HAVCR1: variants seen among roughly 807,000 people sequenced by gnomAD.
HAVCR1 encodes the protein T cell immunoglobin domain and mucin domain protein 1.
In HAVCR1, 34 loss-of-function variants were observed where a neutral mutation model predicts 32.0. The ratio of observed to expected loss-of-function variants is 1.06; its 90% CI spans 0.81 to 1.42. HAVCR1 has a LOEUF of 1.42. Ranked by LOEUF, HAVCR1 falls within the 40% of genes most tolerant of loss-of-function variation. HAVCR1 has a pLI of 0.00. For missense variants in HAVCR1, 420 were observed against 442.3 expected, an observed-to-expected ratio of 0.95 and a Z score of 0.45; for synonymous variants, 178 against 170.3, an observed-to-expected ratio of 1.05 and a Z score of -0.35.
the HAVCR1 span, among the ~76,000 whole-genome samples, chr5:157,067,041 A>G: frequency 2.6e-5 from 4 of 152,146 alleles, no homozygotes; most frequent in African/African-American, 4.8e-5. Flanking sequence ...AGCAGTAAGG[A>G]TGGGGAAGAG....
chr5:157,067,881 T>C, the HAVCR1 span, among the ~76,000 whole-genome samples: 1 of 151,938 alleles, frequency 6.6e-6, no homozygotes, highest in African/African-American at 2.4e-5. Flanking sequence ...TTTCACCATG[T>C]TAGCAAGGAT....
At chr5:157,044,751 A>C (rs904217005) in intron 5 of HAVCR1, among the ~76,000 whole-genome samples, 2 of 152,174 alleles carry the variant, frequency 1.3e-5, no homozygotes, top group Admixed American at 6.6e-5. Context: ...CAATATATAG[A>C]ATCTCAGCCC....
At chr5:157,062,220 A>G (rs953187366), upstream of HAVCR1, among the ~76,000 whole-genome samples, 2 of 152,124 alleles carry the variant, frequency 1.3e-5, no homozygotes, top group Admixed American at 6.6e-5. Context: ...AATGATTCAG[A>G]ACATGGGCCG....
chr5:157,061,948 T>C (rs1486190899), upstream of HAVCR1, among the ~76,000 whole-genome samples: 4 of 152,148 alleles, frequency 2.6e-5, no homozygotes, highest in Admixed American at 2.6e-4. Flanking sequence ...GGGTTGAATT[T>C]TCTGACACAG....
the HAVCR1 span, among the ~76,000 whole-genome samples, chr5:157,067,141 T>C: frequency 3.9e-3 from 587 of 152,284 alleles, 4 homozygotes; most frequent in African/African-American, 0.014. Flanking sequence ...TCACTGGAAG[T>C]AGGAGGTCAT....
chr5:157,042,585 A>G, intron 6 of HAVCR1, 42 bp downstream of exon 6: 1 of 1,233,040 alleles, frequency 8.1e-7, no homozygotes, highest in Non-Finnish European at 1.2e-6. Flanking sequence ...AAGGAGATAT[A>G]CAAGTGAATC....
the HAVCR1 span, among the ~76,000 whole-genome samples, chr5:157,067,176 G>T: frequency 6.6e-6 from 1 of 152,214 alleles, no homozygotes; most frequent in South Asian, 2.1e-4. Context: ...GCAGCTACCT[G>T]CAGGTGCAGG....
At chr5:157,064,857 G>GT in the HAVCR1 span, among the ~76,000 whole-genome samples, 3 of 152,066 alleles carry the variant, frequency 2.0e-5, no homozygotes, top group Admixed American at 1.3e-4. Flanking sequence ...AACAGAGCAA[G>GT]ACTCCATCTC....
intron 5 of HAVCR1, among the ~76,000 whole-genome samples, chr5:157,046,382 T>A (rs1047951413): frequency 6.6e-6 from 1 of 152,166 alleles, no homozygotes; most frequent in African/African-American, 2.4e-5. Context: ...CTGGGAAAGA[T>A]GACAGGTTTC....
intron 5 of HAVCR1, among the ~76,000 whole-genome samples, chr5:157,044,615 G>GAGAAAGAAAGAAAGAAAGAAAAAGAA (rs1554090478): frequency 9.9e-4 from 52 of 52,722 alleles, no homozygotes; most frequent in South Asian, 1.7e-3. Flanking sequence ...AAGAAAGAAA[G>GAGAAAGAAAGAAAGAAAGAAAAAGAA]AGAAAGAAAG....
At position 157,044,618 on chromosome 5, in the gene HAVCR1, AAAG is replaced by A; in HGVS notation, c.782-1939_782-1937del. Among the ~76,000 whole-genome samples the A allele has an allele frequency of 9.0e-5, 3 of 33,448 alleles. No individual in the cohort carries two copies. In the South Asian group the frequency reaches 3.9e-3, roughly 44 times the overall value. 21.9% of individuals were successfully genotyped at this position (33,448 alleles called of 152,430 possible). ...AAGAAAGAAAGAAAGAAAGAAAGAG[AAAG>A]AAAGAAAGAAAGAAAGAAAGAAAGA... is the stretch of plus-strand genomic sequence containing the variant. On this transcript the variant is annotated intron_variant, in intron 5 of 8. Coordinates refer to ENST00000523175, the MANE Select transcript of HAVCR1 (RefSeq NM_001173393.3).
upstream of HAVCR1, among the ~76,000 whole-genome samples, chr5:157,062,986 G>C (rs1442473080): frequency 6.6e-6 from 1 of 151,822 alleles, no homozygotes; most frequent in Non-Finnish European, 1.5e-5. Flanking sequence ...CAGGCGTGGT[G>C]GCGCGTGCCT....
Position 157,056,635 on chromosome 5 carries a change from C to CTCCCAAAGTGCTGGGATTACAGGTGTG in HAVCR1, c.47-1129_47-1103dup, listed in dbSNP as rs561050858. Among the ~76,000 whole-genome samples the CTCCCAAAGTGCTGGGATTACAGGTGTG allele has an allele frequency of 5.6e-4, 84 of 150,966 alleles. 1 individual carries two copies. The South Asian group carries it at 0.017, about 30-fold the overall frequency. ...GACCTCGTGATCTGCCCGCCTTGGC[C>CTCCCAAAGTGCTGGGATTACAGGTGTG]TCCCAAAGTGCTGGGATTACAGGTG... On this transcript the variant is annotated intron_variant, in intron 2 of 8. Transcript: ENST00000523175.
the HAVCR1 span, among the ~76,000 whole-genome samples, chr5:157,068,819 T>A: frequency 6.6e-6 from 1 of 152,224 alleles, no homozygotes; most frequent in African/African-American, 2.4e-5. Flanking sequence ...CTATGTCGCC[T>A]AGGCTGGTCT....
At chr5:157,056,262 C>A (rs983340608) in intron 2 of HAVCR1, among the ~76,000 whole-genome samples, 1 of 151,144 alleles carries the variant, frequency 6.6e-6, no homozygotes, top group Non-Finnish European at 1.5e-5. Context: ...GAAGGTTTTT[C>A]CCCTTTTTCC....
chr5:157,038,723 T>G (rs564090563), intron 6 of HAVCR1, among the ~76,000 whole-genome samples: 3 of 152,124 alleles, frequency 2.0e-5, no homozygotes, highest in Non-Finnish European at 2.9e-5. Flanking sequence ...TGTGGGTAGA[T>G]GGAGAATGGG....
chr5:157,057,401 A>AAGAAAGAAAGAAAGAAAGAG (rs1756244112), intron 2 of HAVCR1, among the ~76,000 whole-genome samples: 1 of 67,312 alleles, frequency 1.5e-5, no homozygotes, highest in African/African-American at 5.0e-5. Flanking sequence ...GAAAGAAAGA[A>AAGAAAGAAAGAAAGAAAGAG]AGAAAGAAAG....
At chr5:157,052,297 TGCCCTG>T in intron 4 of HAVCR1, 58 bp downstream of exon 4, 1 of 1,396,480 alleles carries the variant, frequency 7.2e-7, no homozygotes, top group Non-Finnish European at 1.0e-6. Context: ...CTTGATACAA[TGCCCTG>T]GATGGTCCGC....
rs1015613765 is a variant in HAVCR1, at chr5:157,055,522, C to A, written c.58G>T (p.Gly20Cys). Residue 20 changes from glycine (G) to cysteine (C), a missense_variant, in exon 3 of 9, where the codon GGT becomes TGT. Transcript: ENST00000523175. ...GCCTCTCCACCAACCTTTACAGAACCAGCTACAGAATCTGCAAAGAAGAAA... is the reference window on the plus strand; with the variant it reads ...GCCTCTCCACCAACCTTTACAGAACAAGCTACAGAATCTGCAAAGAAGAAA... ...LILHLADSVA[G>C]SVKVGGEAGP... 1 of 1,566,954 alleles carries A rather than the reference C, an allele frequency of 6.4e-7. No homozygotes were observed. The highest frequency in any genetic ancestry group is 1.4e-5 in the African/African-American group (1 of 73,324).
Sources: gnomAD v4.1 joint callset for allele counts (sites outside exome capture counted in the v4.1 genomes callset) on GRCh38, gnomAD v4.1.1 for gene constraint, MANE v1.5 for transcripts, NCBI Gene and HGNC (gene_info 2026-07-23, HGNC 2026-07-21) for gene names.